Variants in ERG observed in about 807,000 individuals in gnomAD.
ERG encodes the protein ETS transcription factor ERG, also known as transcriptional regulator ERG.
ERG carries 9 observed loss-of-function variants against 55.3 expected under a neutral mutation model. That is an observed-to-expected ratio of 0.16 (90% CI 0.10 to 0.28). The LOEUF (loss-of-function observed/expected upper bound fraction) is 0.28, where lower values mean the gene tolerates loss of function less well. Among genes scored for constraint, ERG ranks in the 10% least tolerant of loss-of-function variants. The pLI, the probability that ERG is intolerant of heterozygous loss-of-function variation, is 1.00. For synonymous variants in ERG, 223 were observed against 237.3 expected (o/e 0.94, Z 0.55); for missense variants, 434 against 631.6 (o/e 0.69, Z 3.35).
At chr21:38,512,907 C>T (rs958385647) in intron 2 of ERG, among the ~76,000 whole-genome samples, 3 of 152,092 alleles carry the variant, frequency 2.0e-5, no homozygotes, top group African/African-American at 2.4e-5. Context: ...CCGAGGCAGG[C>T]GGATCATGAG....
At chr21:38,437,187 G>A (rs1385287031) in intron 2 of ERG, among the ~76,000 whole-genome samples, 2 of 152,128 alleles carry the variant, frequency 1.3e-5, no homozygotes, top group Non-Finnish European at 2.9e-5. Context: ...CCTGCACCCG[G>A]CCAGCTTCAC....
At chr21:38,532,135 C>T (rs1163792048) in intron 2 of ERG, among the ~76,000 whole-genome samples, 1 of 152,132 alleles carries the variant, frequency 6.6e-6, no homozygotes, top group Admixed American at 6.6e-5. Context: ...CTCAGCCAGA[C>T]GATCCAAGGT....
intron 1 of ERG, among the ~76,000 whole-genome samples, chr21:38,627,943 C>CCTTTTT (rs1555876063): frequency 7.0e-6 from 1 of 142,628 alleles, no homozygotes. Context: ...GTTTTCTCTT[C>CCTTTTT]TTTTTTTTTT....
intron 1 of ERG, among the ~76,000 whole-genome samples, chr21:38,481,935 G>C (rs373047684): frequency 6.6e-6 from 1 of 152,170 alleles, no homozygotes; most frequent in Non-Finnish European, 1.5e-5. Context: ...TGTCAAAGTT[G>C]AATATTTCAA....
chr21:38,646,975 G>C (rs751388243), intron 1 of ERG, among the ~76,000 whole-genome samples: 86 of 152,120 alleles, frequency 5.7e-4, no homozygotes, highest in Non-Finnish European at 9.6e-4. Context: ...TCAGCTCACC[G>C]GTGGCTGCCA....
chr21:38,658,018 T>A (rs2060529809), intron 1 of ERG, among the ~76,000 whole-genome samples: 1 of 152,210 alleles, frequency 6.6e-6, no homozygotes, highest in African/African-American at 2.4e-5. Context: ...CTTACAAATG[T>A]TGCTGCTAAG....
chr21:38,467,886 G>C (rs1411999243), intron 1 of ERG, among the ~76,000 whole-genome samples: 1 of 152,216 alleles, frequency 6.6e-6, no homozygotes, highest in African/African-American at 2.4e-5. Flanking sequence ...GTGTGCATGA[G>C]GGTGTCATTT....
chr21:38,468,503 A>G (rs1001059454), intron 1 of ERG, among the ~76,000 whole-genome samples: 1 of 152,178 alleles, frequency 6.6e-6, no homozygotes, highest in African/African-American at 2.4e-5. Flanking sequence ...TCATGGGATG[A>G]ATTGGAAGAT....
chr21:38,453,723 A>G (rs768125651), intron 1 of ERG, among the ~76,000 whole-genome samples: 1 of 152,102 alleles, frequency 6.6e-6, no homozygotes, highest in Non-Finnish European at 1.5e-5. Flanking sequence ...TCTCTACTAA[A>G]AATACAAAAA....
intron 6 of ERG, among the ~76,000 whole-genome samples, chr21:38,397,596 C>CA (rs61047146): frequency 0.24 from 16,026 of 67,128 alleles, 1,984 homozygotes; most frequent in South Asian, 0.3. Context: ...GACTCCATCT[C>CA]AAAAAAAAAA....
chr21:38,506,134 G>A (rs1182351623), intron 2 of ERG, among the ~76,000 whole-genome samples: 2 of 151,916 alleles, frequency 1.3e-5, no homozygotes, highest in African/African-American at 2.4e-5. Context: ...GCATAAATCT[G>A]GGGGGGTGAG....
downstream of ERG, among the ~76,000 whole-genome samples, chr21:38,379,539 T>A (rs1247734574): frequency 1.3e-5 from 2 of 152,234 alleles, no homozygotes; most frequent in African/African-American, 4.8e-5. Context: ...TATAACATGC[T>A]TCCTGCAGAA....
At chr21:38,463,537 T>C (rs550383882) in intron 1 of ERG, among the ~76,000 whole-genome samples, 6 of 152,224 alleles carry the variant, frequency 3.9e-5, no homozygotes, top group Non-Finnish European at 8.8e-5. Context: ...GCTCCTGGTA[T>C]GCAGGTGCCA....
chr21:38,617,017 T>G, intron 1 of ERG, among the ~76,000 whole-genome samples: 1 of 152,146 alleles, frequency 6.6e-6, no homozygotes. Flanking sequence ...TCTTCTAAAA[T>G]TACCTGCCTG....
chr21:38,566,355 G>A lies in ERG; in HGVS notation c.-41+9307C>T, dbSNP rs929250550. ...AATTCCTGCTTCCCCCACAACAGTG[G>A]CCCCACACTGAGTCCTACAACGAGG... is the stretch of plus-strand genomic sequence containing the variant. On this transcript the variant is annotated intron_variant, in intron 2 of 8. Coordinates refer to the ERG transcript ENST00000398897. Among the ~76,000 whole-genome samples the A allele has an allele frequency of 2.6e-5, 4 of 152,118 alleles. 1 individual carries two copies. Among genetic ancestry groups the A allele is most frequent in the Non-Finnish European group, 4.4e-5 (3 of 68,020 alleles).
At chr21:38,563,496 G>A (rs538857054) in intron 2 of ERG, among the ~76,000 whole-genome samples, 1 of 152,334 alleles carries the variant, frequency 6.6e-6, no homozygotes, top group East Asian at 1.9e-4. Context: ...TGAAAGCGCA[G>A]ACACATGGTC....
In ERG at chr21:38,382,949, T is replaced by C; in HGVS notation, c.*454A>G. 9.4e-7 allele frequency: 1 copy of C among 1,067,196 alleles called. No homozygotes were observed. Among genetic ancestry groups the C allele is most frequent in the Non-Finnish European group, 1.1e-6 (1 of 880,358 alleles). The allele number at this position is 1,067,196 out of a possible 1,614,324, so 66.1% of individuals were successfully genotyped here. ...CGTGTCTTTTCTCTTGTTTTTGATA[T>C]GTTTCTATTTTTAAATACAGGTAGT... On this transcript the variant is annotated 3_prime_UTR_variant, in exon 10 of 10. Coordinates refer to ENST00000288319, the MANE Select transcript of ERG (RefSeq NM_182918.4).
intron 2 of ERG, among the ~76,000 whole-genome samples, chr21:38,567,478 G>A (rs184060708): frequency 7.2e-5 from 11 of 152,188 alleles, no homozygotes; most frequent in East Asian, 5.8e-4. Context: ...AGGGCTCATC[G>A]GGATGTGCTA....
In ERG at chr21:38,528,510, G is replaced by C. The variant is rs368049809; in HGVS notation, c.-41+47152C>G. ...TCGCCCAGGCTGGAGTGCAGTGGCG[G>C]GATCTCGGCTCACTGCAAGCTCCGC... is the stretch of plus-strand genomic sequence containing the variant. On this transcript the variant is annotated intron_variant, in intron 2 of 8. Transcript: ENST00000398897. Among the ~76,000 whole-genome samples the C allele has an allele frequency of 3.4e-4, 11 of 32,644 alleles. 3 individuals carry two copies. Among genetic ancestry groups the C allele is most frequent in the East Asian group, 4.0e-4 (1 of 2,484 alleles). The allele number at this position is 32,644 out of a possible 152,430, so 21.4% of individuals were successfully genotyped here. A position where few individuals can be genotyped will look rare whatever the true frequency, so the allele number is the denominator to read the frequency against.
Sources: gnomAD v4.1 joint callset for allele counts (sites outside exome capture counted in the v4.1 genomes callset) on GRCh38, gnomAD v4.1.1 for gene constraint, MANE v1.5 for transcripts, NCBI Gene and HGNC (gene_info 2026-07-23, HGNC 2026-07-21) for gene names.